Variants in TMEM132E observed in about 807,000 individuals in gnomAD.
TMEM132E encodes the protein transmembrane protein 132E.
In TMEM132E, 49 loss-of-function variants were observed where a neutral mutation model predicts 78.5. The ratio of observed to expected loss-of-function variants is 0.62; its 90% CI spans 0.50 to 0.79. The LOEUF is 0.79. TMEM132E is among the 30% of genes least tolerant of loss of function. TMEM132E has a pLI of 0.00. For synonymous variants in TMEM132E, 715 were observed against 670.6 expected (o/e 1.07, Z -1.02); for missense variants, 1,403 against 1,470.9 (o/e 0.95, Z 0.75).
chr17:34,620,841 C>A (rs1567717999), intron 1 of TMEM132E, among the ~76,000 whole-genome samples: 1 of 152,158 alleles, frequency 6.6e-6, no homozygotes, highest in Non-Finnish European at 1.5e-5. Flanking sequence ...ATGAGGGGGA[C>A]CCCCACATCC....
chr17:34,616,371 A>G (rs16970097), intron 1 of TMEM132E, among the ~76,000 whole-genome samples: 8,977 of 152,234 alleles, frequency 0.059, 758 homozygotes, highest in East Asian at 0.17. Flanking sequence ...GCCAGGGAGT[A>G]GGCAAGAGCC....
At chr17:34,597,196 T>G (rs757831280) in intron 1 of TMEM132E, among the ~76,000 whole-genome samples, 4 of 151,966 alleles carry the variant, frequency 2.6e-5, no homozygotes, top group Non-Finnish European at 5.9e-5. Context: ...CCCTCATCAG[T>G]CTGGGGACTC....
In TMEM132E at chr17:34,637,191, C is replaced by T; in HGVS notation, c.2184C>T (p.Ser728=). Residue 728 remains serine, a synonymous_variant, in exon 9 of 9, where the codon AGC becomes AGT. Transcript: ENST00000631683. The part of the protein sequence containing the change: ...LSFLKQEALL[S]LWLSYSDGTT... ...TTCTCCTCCAGGAAGCCCTACTGAG[C>T]CTCTGGCTCTCCTACAGTGATGGCA... 2 of 1,603,004 alleles carry T rather than the reference C, an allele frequency of 1.2e-6. No homozygotes were observed. Among genetic ancestry groups the T allele is most frequent in the South Asian group, 2.2e-5 (2 of 90,786 alleles).
intron 1 of TMEM132E, among the ~76,000 whole-genome samples, chr17:34,588,326 G>T (rs1343665662): frequency 6.6e-6 from 1 of 152,128 alleles, no homozygotes; most frequent in South Asian, 2.1e-4. Flanking sequence ...ATTCTGCATT[G>T]CCTGGCTTCC....
intron 2 of TMEM132E, 33 bp from the exon 3 acceptor site, chr17:34,628,530 C>A (rs1387731719): frequency 6.2e-7 from 1 of 1,611,934 alleles, no homozygotes; most frequent in African/African-American, 1.3e-5. Context: ...GTAGCCTGAC[C>A]CTCTCCCTCT....
At chr17:34,592,078 G>A (rs1905891313) in intron 1 of TMEM132E, among the ~76,000 whole-genome samples, 1 of 152,222 alleles carries the variant, frequency 6.6e-6, no homozygotes, top group East Asian at 1.9e-4. Flanking sequence ...AGACTTCCCG[G>A]AGAGCTGTTT....
Position 34,592,289 on chromosome 17 carries a change from G to A in TMEM132E, c.67+11146G>A, listed in dbSNP as rs76658102. On this transcript the variant is annotated intron_variant, in intron 1 of 8. Coordinates refer to ENST00000631683, the MANE Select transcript of TMEM132E (RefSeq NM_001304438.2). ...GTGCTTCTGCAGCCCAACCGGGGTG[G>A]AGGAGGCATTCCTGCGTCCAGCAGC... is the stretch of plus-strand genomic sequence containing the variant. 0.013 allele frequency among the ~76,000 whole-genome samples: 1,988 copies of A among 152,252 alleles called. 114 individuals are homozygous for A. The East Asian group carries it at 0.18, about 14-fold the overall frequency.
At chr17:34,596,853 C>CAAA (rs35038070) in intron 1 of TMEM132E, among the ~76,000 whole-genome samples, 30 of 72,196 alleles carry the variant, frequency 4.2e-4, no homozygotes, top group South Asian at 2.8e-3. Context: ...CTAAGTAGCT[C>CAAA]AAAAAAAAAA....
Position 34,626,824 on chromosome 17 carries a change from G to T in TMEM132E, c.765G>T (p.Gly255=). 2 of 1,549,014 alleles carry T rather than the reference G, an allele frequency of 1.3e-6. No homozygotes were observed. Among genetic ancestry groups the T allele is most frequent in the South Asian group, 1.2e-5 (1 of 85,678 alleles). Residue 255 remains glycine (G), a synonymous_variant, in exon 2 of 9, where the codon GGG becomes GGT. Coordinates refer to ENST00000631683, the MANE Select transcript of TMEM132E (RefSeq NM_001304438.2). ...CGGSRRGAGP[G]VGARAESPTQ... is the part of the protein sequence containing the mutation. The stretch of plus-strand genomic sequence containing the variant: ...GCTCCCGCCGGGGGGCCGGGCCCGG[G>T]GTGGGGGCCCGAGCGGAAAGCCCTA...
chr17:34,615,366 T>A (rs1265860109), intron 1 of TMEM132E, among the ~76,000 whole-genome samples: 2 of 152,152 alleles, frequency 1.3e-5, no homozygotes, highest in East Asian at 3.9e-4. Flanking sequence ...TGTGATTTCC[T>A]TCCTTCCTTA....
At chr17:34,610,603 G>A (rs1017992073) in intron 1 of TMEM132E, among the ~76,000 whole-genome samples, 2 of 152,208 alleles carry the variant, frequency 1.3e-5, no homozygotes, top group Admixed American at 6.5e-5. Flanking sequence ...GGTGGGCTGA[G>A]GGAGGTCCCC....
intron 1 of TMEM132E, among the ~76,000 whole-genome samples, chr17:34,590,535 G>A (rs1229047583): frequency 6.6e-6 from 1 of 152,166 alleles, no homozygotes; most frequent in African/African-American, 2.4e-5. Flanking sequence ...CCTTGACTAA[G>A]TTCAAGAATT....
In TMEM132E at chr17:34,631,452, C is replaced by A. The variant is rs1342092960; in HGVS notation, c.1483-1252C>A. 2.6e-5 allele frequency among the ~76,000 whole-genome samples: 4 copies of A among 152,320 alleles called. No homozygotes were observed. In the East Asian group the frequency reaches 7.7e-4, roughly 29 times the overall value. ...AGACTCCCCCATCCCAGCTCCAGAG[C>A]AGACCAGAACCAAGGGGTAATCAGA... is the stretch of plus-strand genomic sequence containing the variant. On this transcript the variant is annotated intron_variant, in intron 5 of 8. Transcript: ENST00000631683.
intron 1 of TMEM132E, among the ~76,000 whole-genome samples, chr17:34,620,728 C>G (rs778070192): frequency 7.9e-5 from 12 of 152,336 alleles, no homozygotes; most frequent in Non-Finnish European, 1.5e-4. Flanking sequence ...CAGAGCAGAA[C>G]AGTGGCAGAG....
At chr17:34,626,082 G>A (rs199589445) in intron 1 of TMEM132E, 45 bp from the exon 2 acceptor site, 7 of 1,443,096 alleles carry the variant, frequency 4.9e-6, no homozygotes, top group Non-Finnish European at 6.4e-6. Context: ...TCCCAGCGTG[G>A]CCTCTCCTGA....
intron 1 of TMEM132E, among the ~76,000 whole-genome samples, chr17:34,593,862 C>T (rs909909221): frequency 6.6e-6 from 1 of 152,340 alleles, no homozygotes. Flanking sequence ...TCCCTTTTCC[C>T]GACACTACTT....
At chr17:34,594,896 G>C (rs1906002067) in intron 1 of TMEM132E, among the ~76,000 whole-genome samples, 1 of 152,198 alleles carries the variant, frequency 6.6e-6, no homozygotes, top group South Asian at 2.1e-4. Context: ...GCATGTTTTT[G>C]AACACCTACT....
chr17:34,619,998 T>G (rs1303439707), intron 1 of TMEM132E, among the ~76,000 whole-genome samples: 1 of 152,210 alleles, frequency 6.6e-6, no homozygotes, highest in Non-Finnish European at 1.5e-5. Flanking sequence ...AATGACAATT[T>G]TTTTTCTGAT....
At chr17:34,586,281 TTG>T (rs60429243) in intron 1 of TMEM132E, among the ~76,000 whole-genome samples, 5 of 150,532 alleles carry the variant, frequency 3.3e-5, no homozygotes, top group African/African-American at 4.9e-5. Flanking sequence ...AATGAACCAG[TTG>T]TGTGTGTGTG....
Sources: gnomAD v4.1 joint callset for allele counts (sites outside exome capture counted in the v4.1 genomes callset) on GRCh38, gnomAD v4.1.1 for gene constraint, MANE v1.5 for transcripts, NCBI Gene and HGNC (gene_info 2026-07-23, HGNC 2026-07-21) for gene names.